Variants in NAALADL2 observed in about 807,000 individuals in gnomAD.
NAALADL2 encodes inactive N-acetylated-alpha-linked acidic dipeptidase-like protein 2.
Under a neutral mutation model 87.2 loss-of-function variants are expected in NAALADL2, and 76 were observed. The observed-to-expected ratio is 0.87, with a 90% confidence interval of 0.72 to 1.05. The LOEUF is 1.05. Ranked by LOEUF, NAALADL2 falls within the 50% of genes least tolerant of loss-of-function variation. The pLI, the probability that NAALADL2 is intolerant of heterozygous loss-of-function variation, is 0.00. For missense variants in NAALADL2, 1,089 were observed against 945.8 expected, an observed-to-expected ratio of 1.15 and a Z score of -1.99; for synonymous variants, 354 against 331.0, an observed-to-expected ratio of 1.07 and a Z score of -0.75.
At chr3:175,054,657 A>G (rs1006153216) in intron 1 of NAALADL2, among the ~76,000 whole-genome samples, 3 of 152,216 alleles carry the variant, frequency 2.0e-5, no homozygotes, top group African/African-American at 7.2e-5. Context: ...TTTTAAAGGT[A>G]TAGGTTCTGG....
At chr3:175,705,883 A>G (rs1467908208) in intron 11 of NAALADL2, among the ~76,000 whole-genome samples, 2 of 152,172 alleles carry the variant, frequency 1.3e-5, no homozygotes, top group Non-Finnish European at 2.9e-5. Context: ...AACAAGGCCA[A>G]TCAGTTAACT....
chr3:175,214,828 G>T (rs1049829331), intron 2 of NAALADL2, among the ~76,000 whole-genome samples: 1 of 152,052 alleles, frequency 6.6e-6, no homozygotes, highest in Non-Finnish European at 1.5e-5. Context: ...AACCATTAGG[G>T]TCTGCAATCC....
At chr3:175,751,160 G>T (rs1290902389) in intron 12 of NAALADL2, among the ~76,000 whole-genome samples, 1 of 152,078 alleles carries the variant, frequency 6.6e-6, no homozygotes, top group African/African-American at 2.4e-5. Context: ...TTCACCAGGA[G>T]CAGTGATCTA....
chr3:174,710,317 C>CGA (rs1302398733), intron 2 of NAALADL2, among the ~76,000 whole-genome samples: 1 of 149,616 alleles, frequency 6.7e-6, no homozygotes, highest in Non-Finnish European at 1.5e-5. Flanking sequence ...TGCAGTGGCG[C>CGA]GATCTCGGCT....
intron 12 of NAALADL2, among the ~76,000 whole-genome samples, chr3:175,749,410 C>A (rs918744565): frequency 6.6e-6 from 1 of 152,148 alleles, no homozygotes; most frequent in African/African-American, 2.4e-5. Flanking sequence ...AAATTTATTT[C>A]TCACTGTTCT....
At chr3:175,112,498 A>G (rs1276856718) in intron 2 of NAALADL2, 1 of 151,724 alleles carries the variant, frequency 6.6e-6, no homozygotes, top group East Asian at 1.9e-4. Flanking sequence ...CAGCCAGCCT[A>G]CTGAGTTATA....
Position 175,090,953 on chromosome 3 carries a change from T to C in NAALADL2, c.44-5837T>C, listed in dbSNP as rs552571871. Among the ~76,000 whole-genome samples the C allele has an allele frequency of 2.9e-5, 4 of 136,474 alleles. No homozygotes were observed. The East Asian group carries it at 8.4e-4, about 29-fold the overall frequency. 89.5% of individuals were successfully genotyped at this position (136,474 alleles called of 152,430 possible). A position where few individuals can be genotyped will look rare whatever the true frequency, so the allele number is the denominator to read the frequency against. On this transcript the variant is annotated intron_variant, in intron 1 of 13. Coordinates refer to ENST00000454872, the MANE Select transcript of NAALADL2 (RefSeq NM_207015.3). ...GATACTATAGCAGTTGCCAAGACCA[T>C]TTCACTAAAACCACAAATGGAAAAA...
chr3:174,708,386 T>C (rs1206989615), intron 2 of NAALADL2, among the ~76,000 whole-genome samples: 2 of 152,222 alleles, frequency 1.3e-5, no homozygotes, highest in African/African-American at 4.8e-5. Context: ...GAAGTTTGCA[T>C]GCTTGATCCA....
intron 1 of NAALADL2, among the ~76,000 whole-genome samples, chr3:174,910,777 C>T (rs543693059): frequency 6.6e-6 from 1 of 152,170 alleles, no homozygotes; most frequent in Admixed American, 6.5e-5. Context: ...CTCCTCTTCC[C>T]TTGTTTCTTC....
chr3:174,840,513 A>T (rs980203990), intron 3 of NAALADL2, among the ~76,000 whole-genome samples: 1 of 152,110 alleles, frequency 6.6e-6, no homozygotes, highest in African/African-American at 2.4e-5. Flanking sequence ...ACATGGAATA[A>T]ATATTTAAAG....
chr3:174,844,835 GTTTTTTTTTT>G (rs781333758), intron 3 of NAALADL2, among the ~76,000 whole-genome samples: 6 of 35,446 alleles, frequency 1.7e-4, no homozygotes, highest in East Asian at 2.1e-3. Context: ...AGTTCTAATG[GTTTTTTTTTT>G]TTTTTTTTTT....
intron 2 of NAALADL2, among the ~76,000 whole-genome samples, chr3:174,607,899 T>G (rs902148668): frequency 6.6e-6 from 1 of 151,786 alleles, no homozygotes; most frequent in African/African-American, 2.4e-5. Flanking sequence ...ATTCCAAAAT[T>G]GACCACATAC....
At chr3:175,294,045 C>T (rs1560304887) in intron 4 of NAALADL2, among the ~76,000 whole-genome samples, 1 of 151,994 alleles carries the variant, frequency 6.6e-6, no homozygotes, top group Admixed American at 6.6e-5. Flanking sequence ...ACCGAGCAGG[C>T]GGGTTACAAC....
In NAALADL2 at chr3:175,363,640, C is replaced by T. The variant is rs1216134407; in HGVS notation, c.1090+39315C>T. Among the ~76,000 whole-genome samples the T allele has an allele frequency of 3.4e-5, 5 of 147,908 alleles. 1 individual carries two copies. In the Admixed American group the frequency reaches 3.5e-4, roughly 10 times the overall value. On this transcript the variant is annotated intron_variant, in intron 5 of 13. Transcript: ENST00000454872. ...ACATGCATGTACCTTAATATGAAAT[C>T]ATTCTCTTTTACATTATTTTTATAT...
chr3:175,483,556 CAGGGCTAG>C (rs2149325713), intron 9 of NAALADL2, among the ~76,000 whole-genome samples: 1 of 151,906 alleles, frequency 6.6e-6, no homozygotes, highest in East Asian at 1.9e-4. Flanking sequence ...CAGCCATGCT[CAGGGCTAG>C]AACTTCAATA....
intron 1 of NAALADL2, among the ~76,000 whole-genome samples, chr3:174,979,336 C>T (rs1291106487): frequency 5.8e-5 from 7 of 120,672 alleles, no homozygotes; most frequent in Admixed American, 1.0e-4. Context: ...GACGGAGTCT[C>T]GCTCTGTTGC....
At chr3:175,166,739 TCTC>T (rs1334739601) in intron 2 of NAALADL2, among the ~76,000 whole-genome samples, 1 of 152,034 alleles carries the variant, frequency 6.6e-6, no homozygotes, top group African/African-American at 2.4e-5. Flanking sequence ...CTGCCCCTGT[TCTC>T]CTCAAATTTC....
chr3:174,872,285 C>T (rs1276389176), intron 1 of NAALADL2, among the ~76,000 whole-genome samples: 1 of 152,128 alleles, frequency 6.6e-6, no homozygotes, highest in Non-Finnish European at 1.5e-5. Flanking sequence ...ATTTAAGAGT[C>T]ACGTCCACCA....
intron 2 of NAALADL2, among the ~76,000 whole-genome samples, chr3:175,161,947 T>A (rs1733286225): frequency 6.6e-6 from 1 of 152,170 alleles, no homozygotes; most frequent in African/African-American, 2.4e-5. Flanking sequence ...TTTAACAATT[T>A]TTTTACACAG....
Sources: gnomAD v4.1 joint callset for allele counts (sites outside exome capture counted in the v4.1 genomes callset) on GRCh38, gnomAD v4.1.1 for gene constraint, MANE v1.5 for transcripts, NCBI Gene and HGNC (gene_info 2026-07-23, HGNC 2026-07-21) for gene names.